The following ABCC6 variants were observed in gnomAD, a reference collection of about 807,000 sequenced individuals.
ABCC6 encodes ATP-binding cassette sub-family C member 6.
Under a neutral mutation model 169.5 loss-of-function variants are expected in ABCC6, and 126 were observed. The ratio of observed to expected loss-of-function variants is 0.74; its 90% confidence interval spans 0.64 to 0.86. The LOEUF (loss-of-function observed/expected upper bound fraction) is 0.86, where lower values mean the gene tolerates loss of function less well. Among genes scored for constraint, ABCC6 ranks in the 40% least tolerant of loss-of-function variants. ABCC6 has a pLI of 0.00. For missense variants in ABCC6, 1,733 were observed against 1,927.2 expected (o/e 0.90, Z 1.89); for synonymous variants, 752 against 814.7 (o/e 0.92, Z 1.31).
intron 18 of ABCC6, among the ~76,000 whole-genome samples, chr16:16,178,314 G>A (rs1255387510): frequency 6.6e-6 from 1 of 151,532 alleles, no homozygotes; most frequent in African/African-American, 2.4e-5. Context: ...AAGACAGAGC[G>A]AGACTCCATC....
chr16:16,175,801 A>T, intron 20 of ABCC6, 110 bp downstream of exon 20: 1 of 1,245,916 alleles, frequency 8.0e-7, no homozygotes, highest in Non-Finnish European at 1.1e-6. Context: ...CAGGTTCTCT[A>T]TCCATAATGG....
At chr16:16,209,185 G>T (rs1253311174) in intron 6 of ABCC6, among the ~76,000 whole-genome samples, 1 of 152,120 alleles carries the variant, frequency 6.6e-6, no homozygotes, top group Non-Finnish European at 1.5e-5. Context: ...CCAGGTTCAA[G>T]CGATTCTCCC....
At chr16:16,199,999 C>G (rs1213973030) in intron 9 of ABCC6, among the ~76,000 whole-genome samples, 1 of 151,658 alleles carries the variant, frequency 6.6e-6, no homozygotes, top group Non-Finnish European at 1.5e-5. Context: ...ACCCAGGAGG[C>G]AGAGGTTGCA....
rs540568914 is a variant in ABCC6, at chr16:16,181,162, G to T, written c.2247+1250C>A. Among the ~76,000 whole-genome samples the T allele has an allele frequency of 2.0e-5, 3 of 152,006 alleles. 1 individual carries two copies. Among genetic ancestry groups the T allele is most frequent in the African/African-American group, 7.2e-5 (3 of 41,482 alleles). On this transcript the variant is annotated intron_variant, in intron 17 of 30. Coordinates refer to ENST00000205557, the MANE Select transcript of ABCC6 (RefSeq NM_001171.6). Reference sequence around the variant, plus strand: ...CTACTAAAAGTACAAAAAAAAATTAGCCAGTTGTGGTGGTACATGGCTGTA... The same window carrying T: ...CTACTAAAAGTACAAAAAAAAATTATCCAGTTGTGGTGGTACATGGCTGTA...
At chr16:16,209,716 G>C (rs996890133) in intron 6 of ABCC6, among the ~76,000 whole-genome samples, 2 of 151,866 alleles carry the variant, frequency 1.3e-5, no homozygotes, top group Non-Finnish European at 2.9e-5. Context: ...CGATTCTCAC[G>C]CCTCAGCCTT....
At chr16:16,150,349 C>A in intron 30 of ABCC6, 108 bp from the exon 31 acceptor site, 1 of 1,561,308 alleles carries the variant, frequency 6.4e-7, no homozygotes, top group Non-Finnish European at 8.7e-7. Context: ...AGAAGTCCTG[C>A]TTTCCATGCG....
chr16:16,204,431 G>T (rs4780614), intron 7 of ABCC6, among the ~76,000 whole-genome samples: 23,448 of 152,190 alleles, frequency 0.15, 2,050 homozygotes, highest in Non-Finnish European at 0.2. Context: ...CACACAATCA[G>T]CCAGCCCTTA....
At chr16:16,167,949 G>A (rs951449655) in intron 22 of ABCC6, among the ~76,000 whole-genome samples, 10 of 152,102 alleles carry the variant, frequency 6.6e-5, no homozygotes, top group African/African-American at 1.2e-4. Context: ...TTAATTCCAG[G>A]GCTCGGCTGA....
intron 19 of ABCC6, among the ~76,000 whole-genome samples, chr16:16,176,508 T>C (rs1386410574): frequency 3.9e-5 from 6 of 152,244 alleles, no homozygotes; most frequent in Admixed American, 2.0e-4. Flanking sequence ...CACAGCATCA[T>C]CACAGCAAAA....
At position 16,173,374 on chromosome 16, in the gene ABCC6, A is replaced by C; in HGVS notation, c.2697T>G (p.Arg899=). ...CCTCTGTCTGGGCTTCTGAAGTGGT[A>C]CGGTCCTTCTCAGGGACTGACTTGA... is the stretch of plus-strand genomic sequence containing the variant. The part of the protein sequence containing the change: ...RSIKSVPEKD[R]TTSEAQTEVP... The change falls in exon 21 of 31, where the codon CGT becomes CGG. Residue 899 remains arginine, a synonymous_variant. Transcript: ENST00000205557. The C allele has an allele frequency of 6.2e-7, 1 of 1,614,098 alleles. No homozygotes were observed. The highest frequency in any genetic ancestry group is 8.5e-7 in the Non-Finnish European group (1 of 1,180,012).
rs572573473 is a variant in ABCC6, at chr16:16,176,065, C to T, written c.2591-79G>A. ...CACCCACTGACTATGTGGCCTTAAC[C>T]GCTCTGACCATCCATTTCCCCTGAT... On this transcript the variant is annotated intron_variant, in intron 19 of 30. Transcript: ENST00000205557. The T allele has an allele frequency of 6.4e-4, 886 of 1,384,594 alleles. 3 individuals are homozygous for T. The highest frequency in any genetic ancestry group is 4.4e-4 in the Non-Finnish European group (425 of 972,330). 85.8% of individuals were successfully genotyped at this position (1,384,594 alleles called of 1,614,324 possible).
At chr16:16,222,165 G>T (rs1055808660) in intron 1 of ABCC6, among the ~76,000 whole-genome samples, 1 of 151,998 alleles carries the variant, frequency 6.6e-6, no homozygotes, top group African/African-American at 2.4e-5. Context: ...TCATTGCTAG[G>T]CATGGACTGT....
chr16:16,187,066 G>C (rs1427834669), intron 14 of ABCC6, 58 bp downstream of exon 14: 2 of 1,458,866 alleles, frequency 1.4e-6, no homozygotes, highest in East Asian at 2.3e-5. Context: ...TTATGGGCTG[G>C]GGTGGCCCCC....
At chr16:16,181,194 G>A (rs1028946350) in intron 17 of ABCC6, among the ~76,000 whole-genome samples, 17 of 152,014 alleles carry the variant, frequency 1.1e-4, no homozygotes, top group South Asian at 2.1e-4. Context: ...TGTAATTCTA[G>A]CTACTCATGA....
intron 17 of ABCC6, among the ~76,000 whole-genome samples, chr16:16,179,336 TTTTG>T (rs1327399893): frequency 6.6e-6 from 1 of 152,224 alleles, no homozygotes; most frequent in African/African-American, 2.4e-5. Context: ...TCAGTCCTAC[TTTTG>T]TATTTTAAAT....
Position 16,182,819 on chromosome 16 carries a change from C to A in ABCC6, c.2055G>T (p.Gly685=), listed in dbSNP as rs2047521086. 3 of 1,613,910 alleles carry A rather than the reference C, an allele frequency of 1.9e-6. No individual in the cohort carries two copies. Among genetic ancestry groups the A allele is most frequent in the South Asian group, 1.1e-5 (1 of 91,086 alleles). The change falls in exon 16 of 31, where the codon GGG becomes GGT. Residue 685 remains glycine (G), a synonymous_variant. Coordinates refer to ENST00000205557, the MANE Select transcript of ABCC6 (RefSeq NM_001171.6). ...ALLGELSKVE[G]FVSIEGAVAY... is the part of the protein sequence containing the mutation. Reference sequence around the variant, plus strand: ...GTGGCCTCACCTCGATGCTCACGAACCCCTCCACCTTTGACAGCTCCCCAA... The same window carrying A: ...GTGGCCTCACCTCGATGCTCACGAAACCCTCCACCTTTGACAGCTCCCCAA...
At chr16:16,195,230 C>A (rs775056125) in intron 10 of ABCC6, among the ~76,000 whole-genome samples, 1 of 151,616 alleles carries the variant, frequency 6.6e-6, no homozygotes, top group Non-Finnish European at 1.5e-5. Context: ...GAACTGTCTA[C>A]CAAGAGGCAG....
At chr16:16,220,548 A>T (rs2049037536) in intron 2 of ABCC6, among the ~76,000 whole-genome samples, 1 of 151,758 alleles carries the variant, frequency 6.6e-6, no homozygotes, top group South Asian at 2.1e-4. Context: ...ATATGTCATG[A>T]CAGGTGAAAA....
intron 25 of ABCC6, among the ~76,000 whole-genome samples, chr16:16,161,182 A>T (rs182963481): frequency 1.3e-5 from 2 of 152,376 alleles, no homozygotes; most frequent in East Asian, 3.9e-4. Context: ...TCTTTATAAC[A>T]TCAGAAGTAG....
Sources: allele counts gnomAD v4.1 joint callset (sites outside exome capture counted in the v4.1 genomes callset), GRCh38; gene constraint gnomAD v4.1.1; transcripts MANE v1.5; gene names NCBI Gene and HGNC (gene_info 2026-07-23, HGNC 2026-07-21).